CELF2: variants seen among roughly 807,000 people sequenced by gnomAD.
The protein encoded by CELF2 is CUGBP Elav-like family member 2, also known as CUG triplet repeat RNA-binding protein 2.
A neutral mutation model predicts 62.6 loss-of-function variants in CELF2; 8 were observed. The ratio of observed to expected loss-of-function variants is 0.13; its 90% CI spans 0.07 to 0.23. The LOEUF (loss-of-function observed/expected upper bound fraction) is 0.23, where lower values mean the gene tolerates loss of function less well. Ranked by LOEUF, CELF2 falls within the 10% of genes least tolerant of loss-of-function variation. CELF2 has a pLI of 1.00. For synonymous variants in CELF2, 258 were observed against 250.0 expected (o/e 1.03, Z -0.30); for missense variants, 333 against 671.0 (o/e 0.50, Z 5.56).
chr10:10,629,637 A>G, the CELF2 span, among the ~76,000 whole-genome samples: 1 of 152,142 alleles, frequency 6.6e-6, no homozygotes. Flanking sequence ...AAACTGAGAT[A>G]CTTCAGGAAT....
rs190253214 is a variant in CELF2 at position 10,919,970 on chromosome 10, G to A, written c.60G>A (p.Thr20=). ...CTTTTTCTCCTTCCTGCAGAGAGAC[G>A]GCCACAGAGTTAGCTGGGAGTCTAC... is the stretch of plus-strand genomic sequence containing the variant. Residue 20 remains threonine (T), a synonymous_variant, in exon 2 of 14, where the codon ACG becomes ACA. Transcript: ENST00000636488. 159 of 1,231,466 alleles carry A rather than the reference G, an allele frequency of 1.3e-4. No individual in the cohort carries two copies. The highest frequency in any genetic ancestry group is 3.4e-4 in the Admixed American group (8 of 23,708). The allele number at this position is 1,231,466 out of a possible 1,614,324, so 76.3% of individuals were successfully genotyped here. A position where few individuals can be genotyped will look rare whatever the true frequency, so the allele number is the denominator to read the frequency against.
At chr10:10,635,445 C>A in the CELF2 span, among the ~76,000 whole-genome samples, 2 of 152,148 alleles carry the variant, frequency 1.3e-5, no homozygotes, top group African/African-American at 4.8e-5. Context: ...ACTTTCTGAT[C>A]ATATCTCATT....
Position 11,302,074 on chromosome 10 carries a change from CA to C in CELF2, c.977-12063del, listed in dbSNP as rs1565872044. 6.6e-6 allele frequency among the ~76,000 whole-genome samples: 1 copy of C among 152,218 alleles called. No homozygotes were observed. Reference sequence around the variant, plus strand: ...AACGGACAAGCAAATCCCTGCTCTTCAACCGGCTGTCTTCTGGTGGGGTTTC... The same window carrying C: ...AACGGACAAGCAAATCCCTGCTCTTCACCGGCTGTCTTCTGGTGGGGTTTC... On this transcript the variant is annotated intron_variant, in intron 9 of 12. Transcript: ENST00000633077. The surrounding 1 kb of genome is among the most constrained non-coding windows in gnomAD (Gnocchi z 5.0).
rs1348658112 is a variant in CELF2, at chr10:10,997,804, G to T, written c.89+77805G>T. On this transcript the variant is annotated intron_variant, in intron 2 of 13. Transcript: ENST00000636488. This position sits in a 1 kb window ranked among gnomAD's most constrained non-coding sequence, Gnocchi z 5.3. ...TCACTTGTAGGGTGGTCTTCCCACT[G>T]CCCTTCCTTCCTGTCTCGAGACTCT... 6.6e-6 allele frequency among the ~76,000 whole-genome samples: 1 copy of T among 152,140 alleles called. No homozygotes were observed. Among genetic ancestry groups the T allele is most frequent in the Non-Finnish European group, 1.5e-5 (1 of 68,028 alleles).
At chr10:10,671,171 A>G in the CELF2 span, among the ~76,000 whole-genome samples, 2 of 150,372 alleles carry the variant, frequency 1.3e-5, no homozygotes, top group Non-Finnish European at 3.0e-5. Flanking sequence ...GTCTCAAAAA[A>G]AAAAAAAAAA....
At chr10:10,572,270 C>G in the CELF2 span, among the ~76,000 whole-genome samples, 1 of 151,628 alleles carries the variant, frequency 6.6e-6, no homozygotes, top group African/African-American at 2.4e-5. Context: ...TTCTGGATAT[C>G]TCTGTATTAA....
chr10:10,695,646 A>G, the CELF2 span, among the ~76,000 whole-genome samples: 1 of 152,102 alleles, frequency 6.6e-6, no homozygotes, highest in Non-Finnish European at 1.5e-5. Flanking sequence ...AGGTACACCA[A>G]TCAGACGTAG....
intron 1 of CELF2, among the ~76,000 whole-genome samples, chr10:11,137,769 C>T (rs576927582): frequency 5.3e-5 from 8 of 152,208 alleles, no homozygotes. Context: ...TTTTTAAATA[C>T]CATTTCTGTG....
At chr10:10,777,938 C>T in the CELF2 span, among the ~76,000 whole-genome samples, 10 of 152,222 alleles carry the variant, frequency 6.6e-5, no homozygotes, top group African/African-American at 2.4e-4. Context: ...GTTCTTCAGC[C>T]GCACCCCTTT....
chr10:11,233,935 C>G (rs867608130), intron 3 of CELF2, among the ~76,000 whole-genome samples: 2 of 152,160 alleles, frequency 1.3e-5, no homozygotes, highest in Non-Finnish European at 2.9e-5. Flanking sequence ...GTACATCACC[C>G]CCTACACCCA....
At chr10:11,308,045 T>C (rs1439290009) in intron 9 of CELF2, among the ~76,000 whole-genome samples, 1 of 152,254 alleles carries the variant, frequency 6.6e-6, no homozygotes, top group Admixed American at 6.5e-5. Flanking sequence ...TTGCTAGATA[T>C]AAGATTCTGA....
At chr10:11,104,877 C>T (rs923181182) in intron 1 of CELF2, among the ~76,000 whole-genome samples, 1 of 152,166 alleles carries the variant, frequency 6.6e-6, no homozygotes, top group Admixed American at 6.5e-5. Flanking sequence ...TGTAGTTTGG[C>T]TCCATATAGC....
chr10:10,958,377 G>A (rs1278783986), intron 2 of CELF2, among the ~76,000 whole-genome samples: 2 of 152,140 alleles, frequency 1.3e-5, no homozygotes, highest in Admixed American at 6.5e-5. Flanking sequence ...TCAGGGAGAG[G>A]GAAGTGAGAA....
Position 11,178,152 on chromosome 10 carries a change from G to T in CELF2, c.271+12470G>T, listed in dbSNP as rs569605301. Among the ~76,000 whole-genome samples, 18 of 152,190 alleles carry T rather than the reference G, an allele frequency of 1.2e-4. No individual in the cohort carries two copies. Among genetic ancestry groups the T allele is most frequent in the Middle Eastern group, 3.2e-3 (1 of 316 alleles). On this transcript the variant is annotated intron_variant, in intron 2 of 12. Transcript: ENST00000633077. The surrounding 1 kb of genome is among the most constrained non-coding windows in gnomAD (Gnocchi z 4.3). ...CGTTATGGAGTAGGCAACCTGGTTC[G>T]GCGCAAAGAGGAAATGCGCGTTCTG...
intron 1 of CELF2, among the ~76,000 whole-genome samples, chr10:11,058,540 C>G (rs555347552): frequency 7.1e-6 from 1 of 141,522 alleles, no homozygotes; most frequent in Non-Finnish European, 1.5e-5. Flanking sequence ...GATCTCGACT[C>G]GCTGCAACCT....
chr10:11,295,309 C>G (rs1487523671), intron 9 of CELF2, among the ~76,000 whole-genome samples: 1 of 152,186 alleles, frequency 6.6e-6, no homozygotes, highest in East Asian at 1.9e-4. Context: ...ATGAAGATTC[C>G]TACCTGCATG....
intron 1 of CELF2, among the ~76,000 whole-genome samples, chr10:11,072,665 G>A (rs2762538): frequency 0.066 from 9,980 of 152,224 alleles, 578 homozygotes; most frequent in African/African-American, 0.16. Flanking sequence ...TATAGAGGCA[G>A]CCCCAACCAT....
intron 2 of CELF2, among the ~76,000 whole-genome samples, chr10:10,951,296 A>G (rs1459750575): frequency 6.6e-6 from 1 of 151,978 alleles, no homozygotes; most frequent in Non-Finnish European, 1.5e-5. Context: ...GGCATGCACC[A>G]CCACACCCAG....
At position 11,225,000 on chromosome 10, in the gene CELF2, G is replaced by C. The variant is rs1343273091; in HGVS notation, c.354+7493G>C. ...TGGACACTTACAGGAGGGCGGTGTGGGGAGGGAAAGAAGTTTCGTCTGTCC... is the reference window on the plus strand; with the variant it reads ...TGGACACTTACAGGAGGGCGGTGTGCGGAGGGAAAGAAGTTTCGTCTGTCC... On this transcript the variant is annotated intron_variant, in intron 3 of 12. Transcript: ENST00000633077. The surrounding 1 kb of genome is among the most constrained non-coding windows in gnomAD (Gnocchi z 4.5). Among the ~76,000 whole-genome samples the C allele has an allele frequency of 1.3e-5, 2 of 152,146 alleles. No homozygotes were observed. The highest frequency in any genetic ancestry group is 4.8e-5 in the African/African-American group (2 of 41,424).
Sources: gnomAD v4.1 joint callset for allele counts (sites outside exome capture counted in the v4.1 genomes callset) on GRCh38, gnomAD v4.1.1 for gene constraint, Gnocchi (gnomAD v3.1) non-coding constraint, MANE v1.5 for transcripts, NCBI Gene and HGNC (gene_info 2026-07-23, HGNC 2026-07-21) for gene names.